GALNT13: variants seen among roughly 807,000 people sequenced by gnomAD.
The protein encoded by GALNT13 is polypeptide N-acetylgalactosaminyltransferase 13.
In GALNT13, 28 loss-of-function variants were observed where a neutral mutation model predicts 64.2. The observed-to-expected ratio is 0.44, with a 90% CI of 0.32 to 0.60. GALNT13 has a LOEUF of 0.60. GALNT13 is among the 20% of genes least tolerant of loss of function. The pLI is 0.05. For missense variants in GALNT13, 577 were observed against 669.8 expected, an observed-to-expected ratio of 0.86 and a Z score of 1.53; for synonymous variants, 214 against 224.6, an observed-to-expected ratio of 0.95 and a Z score of 0.42.
chr2:153,645,497 C>A, the GALNT13 span, among the ~76,000 whole-genome samples: 2 of 151,906 alleles, frequency 1.3e-5, no homozygotes, highest in African/African-American at 4.8e-5. Context: ...TAATATATTT[C>A]TTTTGGCTTA....
chr2:153,346,328 G>A, the GALNT13 span, among the ~76,000 whole-genome samples: 1 of 151,980 alleles, frequency 6.6e-6, no homozygotes, highest in Non-Finnish European at 1.5e-5. Flanking sequence ...CATTTTCTCT[G>A]TACAAATTGC....
chr2:153,807,811 GT>G, the GALNT13 span, among the ~76,000 whole-genome samples: 2 of 151,984 alleles, frequency 1.3e-5, no homozygotes, highest in Admixed American at 6.6e-5. Context: ...ATGAAACTTT[GT>G]TTCCTTGTGC....
At chr2:153,739,722 A>G in the GALNT13 span, among the ~76,000 whole-genome samples, 1 of 150,924 alleles carries the variant, frequency 6.6e-6, no homozygotes, top group African/African-American at 2.4e-5. Flanking sequence ...TACTTTGGAT[A>G]CATTTTACTT....
the GALNT13 span, among the ~76,000 whole-genome samples, chr2:153,393,844 G>T: frequency 6.6e-6 from 1 of 151,848 alleles, no homozygotes; most frequent in Non-Finnish European, 1.5e-5. Flanking sequence ...TCTTCCCTGG[G>T]TCTCCATCCT....
chr2:153,685,117 T>C, the GALNT13 span, among the ~76,000 whole-genome samples: 1 of 151,948 alleles, frequency 6.6e-6, no homozygotes, highest in Non-Finnish European at 1.5e-5. Flanking sequence ...GCAATGAACA[T>C]ATGTGTGCAC....
the GALNT13 span, among the ~76,000 whole-genome samples, chr2:153,619,915 C>G: frequency 1.3e-5 from 2 of 151,904 alleles, no homozygotes; most frequent in African/African-American, 4.8e-5. Context: ...TTATTAAATG[C>G]CTTCAGGTAG....
At chr2:154,126,060 T>G (rs771071133) in intron 3 of GALNT13, among the ~76,000 whole-genome samples, 2 of 152,178 alleles carry the variant, frequency 1.3e-5, no homozygotes, top group Non-Finnish European at 2.9e-5. Flanking sequence ...AAGTTGCTAC[T>G]ATCATGTGGT....
intron 4 of GALNT13, among the ~76,000 whole-genome samples, chr2:154,166,407 TA>T (rs1414490606): frequency 6.6e-6 from 1 of 152,064 alleles, no homozygotes; most frequent in African/African-American, 2.4e-5. Flanking sequence ...TCCATCTCAA[TA>T]AATCAAAACC....
chr2:153,884,124 A>G (rs978596127), intron 1 of GALNT13, among the ~76,000 whole-genome samples: 1 of 152,100 alleles, frequency 6.6e-6, no homozygotes, highest in Admixed American at 6.6e-5. Flanking sequence ...TAGCACTGAT[A>G]TAGTCCTTAA....
chr2:153,666,899 A>AAC, the GALNT13 span, among the ~76,000 whole-genome samples: 1 of 152,186 alleles, frequency 6.6e-6, no homozygotes, highest in South Asian at 2.1e-4. Flanking sequence ...GTTGAAACTC[A>AAC]ACACAAGGAA....
At chr2:153,347,518 G>A in the GALNT13 span, among the ~76,000 whole-genome samples, 452 of 152,198 alleles carry the variant, frequency 3.0e-3, 16 homozygotes, top group East Asian at 0.079. Context: ...AGAGGAGTTC[G>A]TTTAAAAAAA....
chr2:153,477,938 C>G, the GALNT13 span: 2 of 425,946 alleles, frequency 4.7e-6, no homozygotes, highest in East Asian at 8.5e-5. Flanking sequence ...AGGGCCTTCG[C>G]ACCGTCGGTC....
chr2:153,471,910 A>G, the GALNT13 span, among the ~76,000 whole-genome samples: 1 of 152,206 alleles, frequency 6.6e-6, no homozygotes, highest in African/African-American at 2.4e-5. Context: ...TAAAACAAAG[A>G]ATTGGGGAAT....
At chr2:154,290,917 G>C (rs1384474790) in intron 8 of GALNT13, among the ~76,000 whole-genome samples, 1 of 151,740 alleles carries the variant, frequency 6.6e-6, no homozygotes, top group Non-Finnish European at 1.5e-5. Context: ...TGCTCTTTCC[G>C]TCCAGAGCTG....
At chr2:153,213,656 TG>T in the GALNT13 span, among the ~76,000 whole-genome samples, 3 of 152,304 alleles carry the variant, frequency 2.0e-5, no homozygotes, top group East Asian at 1.9e-4. Flanking sequence ...ATCACACAAA[TG>T]GACGCTCCAG....
At chr2:154,255,508 T>C (rs1173993955) in intron 7 of GALNT13, among the ~76,000 whole-genome samples, 1 of 152,092 alleles carries the variant, frequency 6.6e-6, no homozygotes, top group African/African-American at 2.4e-5. Flanking sequence ...TAAATGTTAA[T>C]AGTCGATGAG....
chr2:153,744,517 T>C, the GALNT13 span, among the ~76,000 whole-genome samples: 3 of 152,178 alleles, frequency 2.0e-5, no homozygotes, highest in South Asian at 6.2e-4. Flanking sequence ...CTATTTTTAA[T>C]CAAATTATTA....
intron 3 of GALNT13, among the ~76,000 whole-genome samples, chr2:153,969,262 T>C (rs1221520157): frequency 6.6e-6 from 1 of 152,028 alleles, no homozygotes; most frequent in Non-Finnish European, 1.5e-5. Context: ...AATATTAATA[T>C]ACACACCCCA....
chr2:154,124,250 T>TA (rs1558971385), intron 3 of GALNT13, among the ~76,000 whole-genome samples: 1 of 131,060 alleles, frequency 7.6e-6, no homozygotes, highest in South Asian at 2.6e-4. Context: ...CAGATGTGAT[T>TA]AAAAAAAGAA....
Sources: allele counts gnomAD v4.1 joint callset (sites outside exome capture counted in the v4.1 genomes callset), GRCh38; gene constraint gnomAD v4.1.1; transcripts MANE v1.5; gene names NCBI Gene and HGNC (gene_info 2026-07-23, HGNC 2026-07-21).